Variants in INSL6 observed in about 807,000 individuals in gnomAD.
INSL6 encodes the protein insulin like 6, also known as insulin-like peptide INSL6.
A neutral mutation model predicts 9.4 loss-of-function variants in INSL6; 16 were observed. The ratio of observed to expected loss-of-function variants is 1.70; its 90% CI spans 1.15 to 2.59. The LOEUF (loss-of-function observed/expected upper bound fraction) is 2.59, where lower values mean the gene tolerates loss of function less well. Ranked by LOEUF, INSL6 falls within the 30% of genes most tolerant of loss-of-function variation. The probability of loss-of-function intolerance (pLI) is 0.00; values close to 1 mark genes in which losing one functional copy is unlikely to be tolerated. For synonymous variants in INSL6, 154 were observed against 96.9 expected (o/e 1.59, Z -3.46); for missense variants, 391 against 257.3 (o/e 1.52, Z -3.56).
chr9:5,095,289 G>C, the INSL6 span, among the ~76,000 whole-genome samples: 1 of 151,918 alleles, frequency 6.6e-6, no homozygotes, highest in Non-Finnish European at 1.5e-5. Context: ...TCATCACAAT[G>C]CTACGCTCAC....
chr9:5,058,208 T>C, the INSL6 span, among the ~76,000 whole-genome samples: 1 of 152,192 alleles, frequency 6.6e-6, no homozygotes, highest in African/African-American at 2.4e-5. Context: ...ATATACCTTC[T>C]ATTAGTCCGT....
In INSL6 at chr9:5,185,607, G is replaced by A. The variant is rs969809162; in HGVS notation, c.-5C>T. 4.3e-6 allele frequency: 7 copies of A among 1,609,362 alleles called. No homozygotes were observed. Among genetic ancestry groups the A allele is most frequent in the South Asian group, 1.1e-5 (1 of 90,496 alleles). Reference sequence around the variant, plus strand: ...CAAGCGGAGGAGCCGCGGCATCCCTGTGACCCCAGGCTAGTCCTCCGCGTT... The same window carrying A: ...CAAGCGGAGGAGCCGCGGCATCCCTATGACCCCAGGCTAGTCCTCCGCGTT... On this transcript the variant is annotated 5_prime_UTR_variant, in exon 1 of 2. Transcript: ENST00000381641.
the INSL6 span, among the ~76,000 whole-genome samples, chr9:5,025,783 C>T: frequency 1.2e-4 from 18 of 152,254 alleles, no homozygotes; most frequent in Admixed American, 3.9e-4. Flanking sequence ...CCACCTGCCT[C>T]GGCCTCTCAA....
the INSL6 span, among the ~76,000 whole-genome samples, chr9:5,031,583 G>C: frequency 2.0e-5 from 3 of 152,158 alleles, no homozygotes; most frequent in African/African-American, 7.2e-5. Flanking sequence ...TTAAAGATCA[G>C]ATTGATATGT....
chr9:5,058,667 A>G, the INSL6 span, among the ~76,000 whole-genome samples: 1 of 152,126 alleles, frequency 6.6e-6, no homozygotes, highest in Non-Finnish European at 1.5e-5. Context: ...TTACATTCCT[A>G]CCAGGAGTAC....
chr9:5,122,473 C>T (rs982584983), downstream of INSL6, among the ~76,000 whole-genome samples: 5 of 152,066 alleles, frequency 3.3e-5, no homozygotes, highest in African/African-American at 1.2e-4. Flanking sequence ...CAAAGAGCAG[C>T]TTATTTTCAC....
At chr9:5,108,324 C>T in the INSL6 span, 3 of 152,004 alleles carry the variant, frequency 2.0e-5, no homozygotes, top group African/African-American at 7.3e-5. Context: ...TATTATCACC[C>T]GCTGAGGGAA....
chr9:5,121,939 C>T (rs1402084077), downstream of INSL6, among the ~76,000 whole-genome samples: 1 of 152,106 alleles, frequency 6.6e-6, no homozygotes, highest in African/African-American at 2.4e-5. Flanking sequence ...TTGCATTCCC[C>T]TTGTGGAATA....
At chr9:4,994,506 T>C in the INSL6 span, among the ~76,000 whole-genome samples, 1 of 152,236 alleles carries the variant, frequency 6.6e-6, no homozygotes, top group Non-Finnish European at 1.5e-5. Flanking sequence ...TGAGAATTAC[T>C]GATTTAAACC....
chr9:5,041,974 G>A, the INSL6 span: 5 of 369,164 alleles, frequency 1.4e-5, no homozygotes, highest in Non-Finnish European at 2.6e-5. Context: ...CCCTTGGGGA[G>A]CGAGCTTGTG....
At chr9:5,119,011 A>G (rs1209828339), downstream of INSL6, among the ~76,000 whole-genome samples, 1 of 152,178 alleles carries the variant, frequency 6.6e-6, no homozygotes, top group Non-Finnish European at 1.5e-5. Context: ...TTAAACTAAT[A>G]CATTCAGAAA....
the INSL6 span, chr9:5,055,593 T>C: frequency 8.7e-7 from 1 of 1,144,274 alleles, no homozygotes; most frequent in Non-Finnish European, 1.2e-6. Context: ...GGAAAGAATG[T>C]TGTCTTCTTA....
At chr9:5,098,106 T>A in the INSL6 span, 1 of 152,180 alleles carries the variant, frequency 6.6e-6, no homozygotes, top group African/African-American at 2.4e-5. Context: ...AGAAAAACTA[T>A]AACAATTGAA....
chr9:5,098,884 CG>C, the INSL6 span: 2 of 152,038 alleles, frequency 1.3e-5, no homozygotes, highest in East Asian at 3.9e-4. Flanking sequence ...TTAGTAGAGA[CG>C]GGGTTTCACC....
At chr9:5,018,344 T>C in the INSL6 span, among the ~76,000 whole-genome samples, 175 of 152,270 alleles carry the variant, frequency 1.1e-3, no homozygotes, top group African/African-American at 4.1e-3. Context: ...TTTGTTTCTT[T>C]TTTGAGACAG....
the INSL6 span, among the ~76,000 whole-genome samples, chr9:5,031,918 C>T: frequency 1.3e-5 from 2 of 152,192 alleles, no homozygotes; most frequent in East Asian, 3.9e-4. Flanking sequence ...GAGTGTAGGA[C>T]AGTGGGTGCA....
chr9:5,073,938 A>G, the INSL6 span, among the ~76,000 whole-genome samples: 3 of 152,332 alleles, frequency 2.0e-5, no homozygotes, highest in African/African-American at 7.2e-5. Flanking sequence ...CTGTAGGACT[A>G]TTCAGTTATA....
intron 2 of INSL6, among the ~76,000 whole-genome samples, chr9:5,140,985 G>A (rs1359186687): frequency 6.6e-6 from 1 of 151,920 alleles, no homozygotes; most frequent in African/African-American, 2.4e-5. Flanking sequence ...TTCTACATTA[G>A]TTTGCTAAGG....
chr9:5,165,217 C>CA (rs976201323), intron 1 of INSL6, among the ~76,000 whole-genome samples: 23 of 150,654 alleles, frequency 1.5e-4, no homozygotes, highest in East Asian at 7.8e-4. Flanking sequence ...TCTCAAAAAA[C>CA]AAAAAAAAAG....
Sources: gnomAD v4.1 joint callset for allele counts (sites outside exome capture counted in the v4.1 genomes callset) on GRCh38, gnomAD v4.1.1 for gene constraint, MANE v1.5 for transcripts, NCBI Gene and HGNC (gene_info 2026-07-23, HGNC 2026-07-21) for gene names.